Variants in KCTD8 observed in about 807,000 individuals in gnomAD.
The protein encoded by KCTD8 is potassium channel tetramerization domain containing 8, also known as BTB/POZ domain-containing protein KCTD8.
KCTD8 carries 27 observed loss-of-function variants against 31.5 expected under a neutral mutation model. The ratio of observed to expected loss-of-function variants is 0.86; its 90% confidence interval spans 0.63 to 1.18. The LOEUF (loss-of-function observed/expected upper bound fraction) is 1.18, where lower values mean the gene tolerates loss of function less well. KCTD8 is among the 50% of genes most tolerant of loss of function. The pLI, the probability that KCTD8 is intolerant of heterozygous loss-of-function variation, is 0.00. For synonymous variants in KCTD8, 290 were observed against 280.0 expected (o/e 1.04, Z -0.36); for missense variants, 658 against 647.7 (o/e 1.02, Z -0.17).
chr4:44,218,174 C>T (rs937172135), intron 1 of KCTD8, among the ~76,000 whole-genome samples: 17 of 137,768 alleles, frequency 1.2e-4, no homozygotes, highest in African/African-American at 4.8e-4. Context: ...TGCTCTGTCA[C>T]CCAGGCTGGA....
intron 1 of KCTD8, among the ~76,000 whole-genome samples, chr4:44,396,257 C>T (rs531736299): frequency 2.6e-5 from 4 of 152,198 alleles, no homozygotes; most frequent in Admixed American, 6.5e-5. Context: ...CAGGCAGTAA[C>T]GCAAGTGATA....
intron 1 of KCTD8, among the ~76,000 whole-genome samples, chr4:44,199,841 T>C (rs944224124): frequency 6.6e-6 from 1 of 150,962 alleles, no homozygotes; most frequent in Non-Finnish European, 1.5e-5. Flanking sequence ...CAAAAGACCA[T>C]ACAAAAGATC....
chr4:44,215,303 C>T (rs780841749), intron 1 of KCTD8, among the ~76,000 whole-genome samples: 2 of 152,022 alleles, frequency 1.3e-5, no homozygotes, highest in African/African-American at 4.8e-5. Context: ...TGGGCAGTTA[C>T]AAAAATATGG....
At chr4:44,176,234 A>G (rs1409156088) in intron 1 of KCTD8, among the ~76,000 whole-genome samples, 1 of 152,216 alleles carries the variant, frequency 6.6e-6, no homozygotes. Context: ...GGAGGAAGGC[A>G]TCAGTGTTTT....
intron 1 of KCTD8, among the ~76,000 whole-genome samples, chr4:44,411,307 G>A (rs1276718109): frequency 2.0e-5 from 3 of 149,870 alleles, no homozygotes; most frequent in Non-Finnish European, 3.0e-5. Flanking sequence ...GATCCCAAGA[G>A]GTCGAGGCTG....
intron 1 of KCTD8, among the ~76,000 whole-genome samples, chr4:44,191,108 A>T (rs1316001645): frequency 6.6e-6 from 1 of 152,222 alleles, no homozygotes; most frequent in Non-Finnish European, 1.5e-5. Flanking sequence ...AGTTCCTAAA[A>T]TTAATACTTT....
At chr4:44,382,308 T>G (rs1442819463) in intron 1 of KCTD8, among the ~76,000 whole-genome samples, 2 of 152,000 alleles carry the variant, frequency 1.3e-5, no homozygotes, top group Non-Finnish European at 2.9e-5. Flanking sequence ...ACACCCTTCA[T>G]GAAAACAGCT....
intron 1 of KCTD8, among the ~76,000 whole-genome samples, chr4:44,177,068 C>A (rs944712707): frequency 3.3e-5 from 5 of 152,132 alleles, no homozygotes; most frequent in African/African-American, 1.2e-4. Flanking sequence ...TGTTTTAAGC[C>A]TCTCTCTGTC....
At chr4:44,411,130 C>A (rs934165938) in intron 1 of KCTD8, among the ~76,000 whole-genome samples, 1 of 151,972 alleles carries the variant, frequency 6.6e-6, no homozygotes, top group Admixed American at 6.6e-5. Context: ...ATTTTTCTTA[C>A]AATATCTTAT....
chr4:44,320,473 T>C (rs947453511), intron 1 of KCTD8, among the ~76,000 whole-genome samples: 4 of 152,190 alleles, frequency 2.6e-5, no homozygotes, highest in Non-Finnish European at 4.4e-5. Context: ...AGAATACATG[T>C]TATGATTCAG....
intron 1 of KCTD8, among the ~76,000 whole-genome samples, chr4:44,330,315 C>T (rs1718564028): frequency 1.3e-5 from 2 of 151,828 alleles, no homozygotes; most frequent in African/African-American, 4.8e-5. Context: ...ACAATGCTGT[C>T]CTTATTTTCC....
chr4:44,175,040 C>T lies in KCTD8; in HGVS notation c.1172G>A (p.Arg391His), dbSNP rs769382363. The change falls in exon 2 of 2, where the codon CGC becomes CAC. Residue 391 changes from arginine to histidine, a missense_variant. By Grantham distance (29) the Arg-to-His change is conservative (BLOSUM62 0). Transcript: ENST00000360029. ...AHQPNTLTLD[R>H]PSKKAPVQWI... ...TTGTACAGGTGCTTTTTTAGAGGGG[C>T]GATCCAATGTTAAAGTGTTAGGTTG... 2.3e-5 allele frequency: 37 copies of T among 1,613,766 alleles called. No individual in the cohort carries two copies. The highest frequency in any genetic ancestry group is 1.7e-4 in the Admixed American group (10 of 59,984).
chr4:44,241,339 A>G (rs1420543533), intron 1 of KCTD8, among the ~76,000 whole-genome samples: 1 of 152,256 alleles, frequency 6.6e-6, no homozygotes, highest in African/African-American at 2.4e-5. Flanking sequence ...AATAGCTGAC[A>G]TATAACATCT....
intron 1 of KCTD8, among the ~76,000 whole-genome samples, chr4:44,437,919 T>A (rs1350716508): frequency 6.6e-6 from 1 of 152,092 alleles, no homozygotes; most frequent in Admixed American, 6.6e-5. Context: ...GAAGGATTCA[T>A]CCCCAAAACC....
intron 1 of KCTD8, among the ~76,000 whole-genome samples, chr4:44,252,772 A>G (rs904172144): frequency 6.6e-6 from 1 of 151,790 alleles, no homozygotes; most frequent in South Asian, 2.1e-4. Flanking sequence ...TACATCTACA[A>G]TCACACATAA....
At chr4:44,337,605 A>T (rs902732741) in intron 1 of KCTD8, among the ~76,000 whole-genome samples, 7 of 151,190 alleles carry the variant, frequency 4.6e-5, no homozygotes, top group Non-Finnish European at 1.0e-4. Context: ...ATCCGGGAGG[A>T]GGAGGTTGCA....
chr4:44,343,089 C>T (rs980133743), intron 1 of KCTD8, among the ~76,000 whole-genome samples: 1 of 152,220 alleles, frequency 6.6e-6, no homozygotes. Flanking sequence ...TGCTTTTCCA[C>T]TCACAAATTG....
Position 44,174,157 on chromosome 4 carries a change from C to T in KCTD8, c.*633G>A, listed in dbSNP as rs1013721155. 5 of 152,482 alleles carry T rather than the reference C, an allele frequency of 3.3e-5. No individual in the cohort carries two copies. The highest frequency in any genetic ancestry group is 1.2e-4 in the African/African-American group (5 of 41,434). The allele number at this position is 152,482 out of a possible 1,614,324, so 9.4% of individuals were successfully genotyped here. A position where few individuals can be genotyped will look rare whatever the true frequency, so the allele number is the denominator to read the frequency against. Reference sequence around the variant, plus strand: ...ACCATACACATACACAAAAAAGTCACAGATCCAGAACAAAGAAAATTCAAT... The same window carrying T: ...ACCATACACATACACAAAAAAGTCATAGATCCAGAACAAAGAAAATTCAAT... On this transcript the variant is annotated 3_prime_UTR_variant, in exon 2 of 2. Transcript: ENST00000360029.
intron 1 of KCTD8, among the ~76,000 whole-genome samples, chr4:44,400,728 C>CAAAA (rs34000545): frequency 4.0e-5 from 4 of 100,114 alleles, no homozygotes; most frequent in African/African-American, 4.0e-5. Context: ...GACTCTGTCT[C>CAAAA]AAAAAAAAAA....
Sources: gnomAD v4.1 joint callset for allele counts (sites outside exome capture counted in the v4.1 genomes callset) on GRCh38, gnomAD v4.1.1 for gene constraint, MANE v1.5 for transcripts, NCBI Gene and HGNC (gene_info 2026-07-23, HGNC 2026-07-21) for gene names.